Variants in ZNF184 observed in about 807,000 individuals in gnomAD.
ZNF184 encodes zinc finger protein 184 (Kruppel-like).
ZNF184 carries 16 observed loss-of-function variants against 54.4 expected under a neutral mutation model. That is an observed-to-expected ratio of 0.29 (90% CI 0.20 to 0.45). ZNF184 has a LOEUF of 0.45. Ranked by LOEUF, ZNF184 falls within the 20% of genes least tolerant of loss-of-function variation. The pLI is 1.00. For synonymous variants in ZNF184, 254 were observed against 295.3 expected, an observed-to-expected ratio of 0.86 and a Z score of 1.43; for missense variants, 681 against 888.2, an observed-to-expected ratio of 0.77 and a Z score of 2.97.
the ZNF184 span, among the ~76,000 whole-genome samples, chr6:27,421,627 A>G: frequency 6.6e-6 from 1 of 152,354 alleles, no homozygotes; most frequent in Non-Finnish European, 1.5e-5. Flanking sequence ...GTTAAATGAC[A>G]TTGGAGGAAT....
intron 3 of ZNF184, among the ~76,000 whole-genome samples, chr6:27,463,875 C>CCTA (rs1441461968): frequency 1.3e-5 from 2 of 150,492 alleles, no homozygotes; most frequent in African/African-American, 4.9e-5. Context: ...TCACAGCAGA[C>CCTA]CTACACTACA....
chr6:27,434,145 T>A, the ZNF184 span, among the ~76,000 whole-genome samples: 2 of 152,262 alleles, frequency 1.3e-5, no homozygotes, highest in South Asian at 4.1e-4. Flanking sequence ...CTCAGCCTCC[T>A]GAGTAGCTAA....
the ZNF184 span, among the ~76,000 whole-genome samples, chr6:27,421,255 A>G: frequency 6.6e-6 from 1 of 152,248 alleles, no homozygotes; most frequent in African/African-American, 2.4e-5. Flanking sequence ...AATATGTGTC[A>G]ATATAAGTTC....
In ZNF184 at chr6:27,471,825, T is replaced by C. The variant is rs1476270288; in HGVS notation, c.7+463A>G. On this transcript the variant is annotated intron_variant, in intron 2 of 5. Transcript: ENST00000683788. ...TACAGGGACAAGTACATCTGTTTAA[T>C]ATAAGAAACTAAAAAAGAAAGCCAA... 2.6e-5 allele frequency among the ~76,000 whole-genome samples: 4 copies of C among 152,136 alleles called. 1 individual carries two copies. The highest frequency in any genetic ancestry group is 5.9e-5 in the Non-Finnish European group (4 of 68,010).
At chr6:27,443,328 A>G in the ZNF184 span, among the ~76,000 whole-genome samples, 1 of 152,078 alleles carries the variant, frequency 6.6e-6, no homozygotes, top group Non-Finnish European at 1.5e-5. Context: ...TAGCTCCTCT[A>G]AGACACCTGC....
the ZNF184 span, among the ~76,000 whole-genome samples, chr6:27,413,824 T>C: frequency 5.3e-5 from 8 of 152,216 alleles, no homozygotes; most frequent in Admixed American, 3.9e-4. Context: ...TGGATGTGGA[T>C]CCATGCTAAG....
At chr6:27,424,026 G>C in the ZNF184 span, among the ~76,000 whole-genome samples, 1 of 152,144 alleles carries the variant, frequency 6.6e-6, no homozygotes, top group Non-Finnish European at 1.5e-5. Flanking sequence ...ATGAAGCCAC[G>C]AACCCTCGCG....
chr6:27,468,165 T>C (rs12193557), intron 2 of ZNF184, among the ~76,000 whole-genome samples: 7,426 of 152,270 alleles, frequency 0.049, 256 homozygotes, highest in Non-Finnish European at 0.073. Context: ...ATGTATTATA[T>C]GACTCAATCT....
intron 2 of ZNF184, among the ~76,000 whole-genome samples, chr6:27,471,772 G>A (rs1387325619): frequency 6.6e-6 from 1 of 152,160 alleles, no homozygotes; most frequent in Non-Finnish European, 1.5e-5. Flanking sequence ...TTCTTTGGAG[G>A]ACTAAGAACT....
chr6:27,450,489 G>C (rs1762689164), downstream of ZNF184, among the ~76,000 whole-genome samples: 1 of 152,050 alleles, frequency 6.6e-6, no homozygotes, highest in South Asian at 2.1e-4. Context: ...AAGAAGAGAG[G>C]TGTCTGCAAA....
At chr6:27,465,484 CAAAA>C (rs60538455) in intron 3 of ZNF184, among the ~76,000 whole-genome samples, 3 of 35,170 alleles carry the variant, frequency 8.5e-5, no homozygotes, top group African/African-American at 3.1e-4. Context: ...GACTCCATCT[CAAAA>C]AAAAAAAAAA....
the ZNF184 span, among the ~76,000 whole-genome samples, chr6:27,423,870 C>T: frequency 3.3e-5 from 5 of 151,918 alleles, no homozygotes; most frequent in African/African-American, 1.2e-4. Flanking sequence ...ATTCTTATAC[C>T]ACGTATCAGC....
the ZNF184 span, chr6:27,408,145 G>C: frequency 1.5e-6 from 1 of 654,822 alleles, no homozygotes; most frequent in South Asian, 1.7e-5. Flanking sequence ...GGGTGAGAAG[G>C]GATCAAGAGA....
the ZNF184 span, among the ~76,000 whole-genome samples, chr6:27,422,200 G>GAAAGAAAGAAAGAA: frequency 1.1e-5 from 1 of 89,238 alleles, no homozygotes; most frequent in African/African-American, 3.9e-5. Flanking sequence ...AAGAAAGAAA[G>GAAAGAAAGAAAGAA]AAAGAAAGAA....
chr6:27,437,506 A>T, the ZNF184 span, among the ~76,000 whole-genome samples: 1 of 152,192 alleles, frequency 6.6e-6, no homozygotes, highest in Non-Finnish European at 1.5e-5. Flanking sequence ...TTAGATGAGA[A>T]TGCAGCTTGA....
the ZNF184 span, among the ~76,000 whole-genome samples, chr6:27,410,426 A>C: frequency 6.6e-6 from 1 of 152,236 alleles, no homozygotes; most frequent in Non-Finnish European, 1.5e-5. Flanking sequence ...CTTATGGCAG[A>C]GGGTTCGTTG....
At chr6:27,423,390 T>C in the ZNF184 span, among the ~76,000 whole-genome samples, 1 of 152,236 alleles carries the variant, frequency 6.6e-6, no homozygotes, top group Non-Finnish European at 1.5e-5. Flanking sequence ...TTGTCCTTTT[T>C]TTGTTAGATT....
chr6:27,423,549 A>C, the ZNF184 span, among the ~76,000 whole-genome samples: 1 of 152,080 alleles, frequency 6.6e-6, no homozygotes. Flanking sequence ...TCCTTCCCCC[A>C]ACATTTTCCT....
chr6:27,442,836 AAG>A, the ZNF184 span, among the ~76,000 whole-genome samples: 15 of 51,576 alleles, frequency 2.9e-4, no homozygotes, highest in South Asian at 2.1e-3. Flanking sequence ...GAAAGAAAGA[AAG>A]AAAGAAAGAA....
Sources: allele counts gnomAD v4.1 joint callset (sites outside exome capture counted in the v4.1 genomes callset), GRCh38; gene constraint gnomAD v4.1.1; transcripts MANE v1.5; gene names NCBI Gene and HGNC (gene_info 2026-07-23, HGNC 2026-07-21).